Variants in RARB observed in about 807,000 individuals in gnomAD.
RARB encodes HBV-activated protein.
Under a neutral mutation model 51.9 loss-of-function variants are expected in RARB, and 17 were observed. The ratio of observed to expected loss-of-function variants is 0.33; its 90% CI spans 0.22 to 0.49. The LOEUF (loss-of-function observed/expected upper bound fraction) is 0.49, where lower values mean the gene tolerates loss of function less well. Among genes scored for constraint, RARB ranks in the 20% least tolerant of loss-of-function variants. RARB has a pLI of 0.99. For missense variants in RARB, 369 were observed against 550.8 expected, an observed-to-expected ratio of 0.67 and a Z score of 3.30; for synonymous variants, 215 against 195.4, an observed-to-expected ratio of 1.10 and a Z score of -0.84.
chr3:25,332,077 G>T (rs1704914763), intron 5 of RARB, among the ~76,000 whole-genome samples: 1 of 152,178 alleles, frequency 6.6e-6, no homozygotes, highest in African/African-American at 2.4e-5. Flanking sequence ...CGGATTCACA[G>T]CCAAATTCTA....
chr3:25,103,410 C>T (rs1699441047), intron 3 of RARB, among the ~76,000 whole-genome samples: 2 of 152,162 alleles, frequency 1.3e-5, no homozygotes, highest in Non-Finnish European at 2.9e-5. Flanking sequence ...TTAAAGATGA[C>T]TTATTTGACC....
chr3:25,024,490 A>G (rs1697701587), intron 2 of RARB, among the ~76,000 whole-genome samples: 1 of 152,198 alleles, frequency 6.6e-6, no homozygotes. Context: ...AAGCAACAAA[A>G]TGTGCCTTTG....
At chr3:24,949,008 C>A (rs555932006) in intron 2 of RARB, among the ~76,000 whole-genome samples, 2 of 152,230 alleles carry the variant, frequency 1.3e-5, no homozygotes, top group South Asian at 2.1e-4. Context: ...CTGTAATGAA[C>A]CATTACAGTA....
At chr3:25,344,538 G>C (rs558471300) in intron 5 of RARB, among the ~76,000 whole-genome samples, 2 of 152,314 alleles carry the variant, frequency 1.3e-5, no homozygotes, top group South Asian at 4.1e-4. Context: ...GAAGTGCTCA[G>C]TTTGGTATTT....
intron 2 of RARB, among the ~76,000 whole-genome samples, chr3:24,992,940 C>T (rs1208495874): frequency 6.6e-6 from 1 of 151,924 alleles, no homozygotes; most frequent in African/African-American, 2.4e-5. Flanking sequence ...TTAAATTATT[C>T]TTTTTGTTAA....
intron 2 of RARB, among the ~76,000 whole-genome samples, chr3:25,005,763 C>A (rs9842936): frequency 0.78 from 119,031 of 151,992 alleles, 46,713 homozygotes; most frequent in East Asian, 0.87. Context: ...TACGCTCCTC[C>A]TGGTCTTGTC....
At chr3:24,970,481 A>G (rs988824719) in intron 2 of RARB, among the ~76,000 whole-genome samples, 1 of 151,922 alleles carries the variant, frequency 6.6e-6, no homozygotes, top group Non-Finnish European at 1.5e-5. Context: ...AGATACTGAT[A>G]ATGGTGCAGT....
chr3:24,888,137 C>T (rs1703298797), intron 2 of RARB, among the ~76,000 whole-genome samples: 1 of 152,140 alleles, frequency 6.6e-6, no homozygotes, highest in South Asian at 2.1e-4. Flanking sequence ...ACTGAAATAG[C>T]CAGATACAGC....
intron 4 of RARB, among the ~76,000 whole-genome samples, chr3:25,171,667 T>A (rs1700650567): frequency 5.3e-5 from 1 of 18,796 alleles, no homozygotes; most frequent in South Asian, 2.1e-3. Context: ...AAAAACAGCT[T>A]TAAAAATCAG....
intron 3 of RARB, among the ~76,000 whole-genome samples, chr3:25,121,515 G>A (rs1699782379): frequency 6.6e-6 from 1 of 152,118 alleles, no homozygotes; most frequent in African/African-American, 2.4e-5. Flanking sequence ...TCCCACACCA[G>A]TCTACGTTTT....
rs1257075607 is a variant in RARB, at chr3:25,394,680, T to C, written c.179-66513T>C. 2.6e-5 allele frequency among the ~76,000 whole-genome samples: 4 copies of C among 152,184 alleles called. No individual in the cohort carries two copies. In the East Asian group the frequency reaches 7.7e-4, roughly 29 times the overall value. On this transcript the variant is annotated intron_variant, in intron 5 of 11. Coordinates refer to the RARB transcript ENST00000383772. ...CTCTCTTTGTGTTTTTTAACTCTTG[T>C]TGCTTTGAAGTCTCTTTTGTCTGAT...
intron 4 of RARB, among the ~76,000 whole-genome samples, chr3:25,162,496 A>C (rs1182728067): frequency 4.6e-5 from 7 of 152,174 alleles, no homozygotes; most frequent in African/African-American, 1.7e-4. Flanking sequence ...ATATTCACAA[A>C]TTTGTGCACC....
upstream of RARB, chr3:25,428,197 G>A: frequency 1.6e-6 from 2 of 1,214,716 alleles, no homozygotes; most frequent in South Asian, 4.3e-5. Flanking sequence ...TTGAAGGTTA[G>A]CAGCCCGGGT....
At chr3:25,319,896 C>G (rs1013240170) in intron 5 of RARB, among the ~76,000 whole-genome samples, 4 of 152,110 alleles carry the variant, frequency 2.6e-5, no homozygotes, top group African/African-American at 9.7e-5. Context: ...TAGAACTATT[C>G]ATGAGAAAAA....
intron 5 of RARB, among the ~76,000 whole-genome samples, chr3:25,232,439 T>G (rs942038413): frequency 6.6e-6 from 1 of 152,096 alleles, no homozygotes; most frequent in African/African-American, 2.4e-5. Flanking sequence ...ATACTTCTAA[T>G]CCATGAATCT....
At chr3:24,855,376 A>C (rs1008622715) in intron 1 of RARB, among the ~76,000 whole-genome samples, 4 of 152,232 alleles carry the variant, frequency 2.6e-5, no homozygotes, top group African/African-American at 9.6e-5. Flanking sequence ...AAGGCATGGC[A>C]GGAAAATAGT....
chr3:25,513,994 T>C (rs1286883955), intron 3 of RARB, among the ~76,000 whole-genome samples: 3 of 152,236 alleles, frequency 2.0e-5, no homozygotes, highest in Non-Finnish European at 2.9e-5. Context: ...GAGAGTTGGC[T>C]GAATAAATAT....
rs1485942150 is a variant in RARB at position 25,171,724 on chromosome 3, G to A, written c.-279-2395G>A. Among the ~76,000 whole-genome samples the A allele has an allele frequency of 2.0e-5, 3 of 148,062 alleles. No homozygotes were observed. The East Asian group carries it at 6.0e-4, about 30-fold the overall frequency. ...ATTTGCTGAACTGTCAGCTCCACCAGTTAATGAGGTAGTTTGTCAAATGGA... is the reference window on the plus strand; with the variant it reads ...ATTTGCTGAACTGTCAGCTCCACCAATTAATGAGGTAGTTTGTCAAATGGA... On this transcript the variant is annotated intron_variant, in intron 4 of 11. Coordinates refer to the RARB transcript ENST00000383772.
chr3:25,517,180 G>A (rs1015495180), intron 3 of RARB, among the ~76,000 whole-genome samples: 8 of 152,116 alleles, frequency 5.3e-5, no homozygotes, highest in Admixed American at 2.6e-4. Flanking sequence ...CTCTGCAAGA[G>A]CAAATATTAG....
Sources: gnomAD v4.1 joint callset for allele counts (sites outside exome capture counted in the v4.1 genomes callset) on GRCh38, gnomAD v4.1.1 for gene constraint, MANE v1.5 for transcripts, NCBI Gene and HGNC (gene_info 2026-07-23, HGNC 2026-07-21) for gene names.